The following BTD variants were observed in gnomAD, a reference collection of about 807,000 sequenced individuals.
The protein encoded by BTD is biotinidase, also known as biocytinase.
BTD carries 13 observed loss-of-function variants against 17.7 expected under a neutral mutation model. The observed-to-expected ratio is 0.74, with a 90% CI of 0.48 to 1.17. The LOEUF is 1.17. Among genes scored for constraint, BTD ranks in the 50% most tolerant of loss-of-function variants. BTD has a pLI of 0.00. For synonymous variants in BTD, 240 were observed against 245.2 expected (o/e 0.98, Z 0.20); for missense variants, 674 against 650.4 (o/e 1.04, Z -0.39).
At chr3:15,719,028 T>G (rs1278101238) in intron 4 of BTD, among the ~76,000 whole-genome samples, 1 of 152,184 alleles carries the variant, frequency 6.6e-6, no homozygotes, top group Non-Finnish European at 1.5e-5. Context: ...AACTTTCTAG[T>G]AATTACTTAA....
At chr3:15,711,038 G>A (rs1287715140) in exon 4 of BTD, among the ~76,000 whole-genome samples, 2 of 151,822 alleles carry the variant, frequency 1.3e-5, no homozygotes, top group East Asian at 1.9e-4. Flanking sequence ...CAACTTGGCT[G>A]GAATAAGATG....
rs146324144 is a variant in BTD, at chr3:15,694,838, T to A, written c.400-15222T>A. ...ACTGAAAAAGAAGAGGCATTTTAAA[T>A]GTCAGAAAGACATACTACAGCAATT... is the stretch of plus-strand genomic sequence containing the variant. On this transcript the variant is annotated intron_variant, in intron 3 of 3. Coordinates refer to the BTD transcript ENST00000672141. 8.6e-4 allele frequency: 1,385 copies of A among 1,604,394 alleles called. 11 individuals are homozygous for A. The East Asian group carries it at 0.013, about 15-fold the overall frequency.
intron 3 of BTD, chr3:15,670,649 A>G (rs2066243951): frequency 8.3e-7 from 1 of 1,211,896 alleles, no homozygotes. Context: ...AACTTTAGAC[A>G]TATTTTACAT....
intron 3 of BTD, among the ~76,000 whole-genome samples, chr3:15,692,159 A>AG (rs2068893296): frequency 6.6e-6 from 1 of 151,482 alleles, no homozygotes; most frequent in Non-Finnish European, 1.5e-5. Context: ...AAAAAAAAAA[A>AG]AAAAAAATGA....
chr3:15,638,814 C>G (rs924652164), intron 2 of BTD, among the ~76,000 whole-genome samples: 1 of 152,184 alleles, frequency 6.6e-6, no homozygotes, highest in Non-Finnish European at 1.5e-5. Flanking sequence ...GGCTATAAAC[C>G]TTTACAGCAT....
At position 15,652,569 on chromosome 3, in the gene BTD, G is replaced by A. The variant is rs75883163; in HGVS notation, c.*7081G>A. Among the ~76,000 whole-genome samples the A allele has an allele frequency of 3.2e-3, 487 of 152,226 alleles. 16 individuals are homozygous for A. The East Asian group carries it at 0.079, about 25-fold the overall frequency. On this transcript the variant is annotated 3_prime_UTR_variant, in exon 4 of 4. Transcript: ENST00000643237. ...GCAACCTCATGAGAGACCCTGAGCCGGAACCACCCCACAAAGTCACTCTTG... is the reference window on the plus strand; with the variant it reads ...GCAACCTCATGAGAGACCCTGAGCCAGAACCACCCCACAAAGTCACTCTTG...
chr3:15,613,397 C>A (rs2064692585), intron 1 of BTD, among the ~76,000 whole-genome samples: 1 of 152,084 alleles, frequency 6.6e-6, no homozygotes, highest in African/African-American at 2.4e-5. Context: ...CTATCTTTGC[C>A]ATAATTTCTT....
At chr3:15,604,557 GCTT>G (rs1286587820) in intron 1 of BTD, among the ~76,000 whole-genome samples, 3 of 152,186 alleles carry the variant, frequency 2.0e-5, no homozygotes, top group African/African-American at 7.2e-5. Flanking sequence ...TTAATAGTTA[GCTT>G]CTTATTACCT....
intron 3 of BTD, among the ~76,000 whole-genome samples, chr3:15,673,307 A>T (rs2066571576): frequency 6.6e-6 from 1 of 152,232 alleles, no homozygotes. Context: ...TCTCCATTCA[A>T]GGGAGTAGAC....
chr3:15,605,002 ATCT>A (rs891434882), intron 1 of BTD, among the ~76,000 whole-genome samples: 5 of 151,978 alleles, frequency 3.3e-5, no homozygotes, highest in Admixed American at 6.6e-5. Flanking sequence ...ACATTTTCCT[ATCT>A]TCTTCTGAGC....
intron 2 of BTD, among the ~76,000 whole-genome samples, chr3:15,639,836 G>T (rs1421248114): frequency 6.6e-6 from 1 of 152,202 alleles, no homozygotes; most frequent in Non-Finnish European, 1.5e-5. Context: ...TAGGCCAGGT[G>T]CTGTGGCTCA....
At chr3:15,626,051 G>T (rs888201975) in intron 1 of BTD, among the ~76,000 whole-genome samples, 3 of 152,116 alleles carry the variant, frequency 2.0e-5, no homozygotes, top group Non-Finnish European at 2.9e-5. Flanking sequence ...TTAGAAAGTT[G>T]TTTCAAGTAT....
chr3:15,709,377 T>C lies in BTD; in HGVS notation c.400-683T>C, dbSNP rs151242106. Among the ~76,000 whole-genome samples the C allele has an allele frequency of 4.1e-3, 619 of 152,216 alleles. 2 individuals carry two copies. The highest frequency in any genetic ancestry group is 0.023 in the East Asian group (118 of 5,186). On this transcript the variant is annotated intron_variant, in intron 3 of 3. Transcript: ENST00000672141. ...GAAAAAACATAGGTTCTATGGGGCT[T>C]TACATTTCCATAGTCATAATTTTTG...
chr3:15,633,376 A>G (rs2065262851), intron 1 of BTD, among the ~76,000 whole-genome samples: 1 of 152,140 alleles, frequency 6.6e-6, no homozygotes. Flanking sequence ...GAATCTGCAT[A>G]ACCTCTTATT....
intron 3 of BTD, chr3:15,696,031 A>G: frequency 1.2e-6 from 1 of 831,984 alleles, no homozygotes; most frequent in South Asian, 1.6e-5. Flanking sequence ...AAATGTTAAA[A>G]AACAAAATGG....
intron 3 of BTD, among the ~76,000 whole-genome samples, chr3:15,703,541 T>C (rs1232521948): frequency 6.6e-6 from 1 of 152,216 alleles, no homozygotes; most frequent in Non-Finnish European, 1.5e-5. Flanking sequence ...GAATATGCCC[T>C]CAAAGAGGAA....
At position 15,641,894 on chromosome 3, in the gene BTD, G is replaced by A. The variant is rs1255501953; in HGVS notation, c.250-14G>A. The stretch of plus-strand genomic sequence containing the variant: ...ATCTGATAACAGACTATTCTTTGAT[G>A]TTTTCATTTTCAGGATGTACAGATT... On this transcript the variant is annotated splice_polypyrimidine_tract_variant and intron_variant, in intron 2 of 3. Coordinates refer to ENST00000643237, the MANE Select transcript of BTD (RefSeq NM_001370658.1). The A allele has an allele frequency of 6.3e-7, 1 of 1,578,486 alleles. No individual in the cohort carries two copies. The highest frequency in any genetic ancestry group is 8.7e-7 in the Non-Finnish European group (1 of 1,149,608).
chr3:15,662,871 T>A (rs577471985), intron 3 of BTD, among the ~76,000 whole-genome samples: 3 of 148,584 alleles, frequency 2.0e-5, no homozygotes, highest in South Asian at 2.2e-4. Flanking sequence ...TTTTTTTTTT[T>A]AATAGATGTT....
rs528443863 is a variant in BTD, at chr3:15,663,923, C to CA, written c.399+21867dup. 1.3e-4 allele frequency among the ~76,000 whole-genome samples: 20 copies of CA among 152,276 alleles called. No homozygotes were observed. In the East Asian group the frequency reaches 3.7e-3, roughly 28 times the overall value. On this transcript the variant is annotated intron_variant, in intron 3 of 3. Transcript: ENST00000672141. ...TGATTTTAGAACATTTCTTTTGAGA[C>CA]AGAGTTTCACTCTTGTTGCCCAGGC...
Sources: gnomAD v4.1 joint callset for allele counts (sites outside exome capture counted in the v4.1 genomes callset) on GRCh38, gnomAD v4.1.1 for gene constraint, MANE v1.5 for transcripts, NCBI Gene and HGNC (gene_info 2026-07-23, HGNC 2026-07-21) for gene names.